Variants in MESP1 observed in about 807,000 individuals in gnomAD.
MESP1 encodes the protein mesoderm posterior bHLH transcription factor 1, also known as mesoderm posterior protein 1.
MESP1 carries 22 observed loss-of-function variants against 15.2 expected under a neutral mutation model. The observed-to-expected ratio is 1.45, with a 90% CI of 1.04 to 2.07. The LOEUF (loss-of-function observed/expected upper bound fraction) is 2.07, where lower values mean the gene tolerates loss of function less well. Ranked by LOEUF, MESP1 falls within the 30% of genes most tolerant of loss-of-function variation. MESP1 has a pLI of 0.00. For synonymous variants in MESP1, 216 were observed against 192.6 expected, an observed-to-expected ratio of 1.12 and a Z score of -1.01; for missense variants, 484 against 411.9, an observed-to-expected ratio of 1.17 and a Z score of -1.51.
chr15:89,751,040 G>A lies in MESP1; in HGVS notation c.192C>T (p.Pro64=). The change falls in exon 1 of 2, where the codon CCC becomes CCT. Residue 64 remains proline, a synonymous_variant. Coordinates refer to ENST00000300057, the MANE Select transcript of MESP1 (RefSeq NM_018670.4). ...CGCGCCTACCTACGGAGGGGGCGCGGGGGTCCCGGAGGGTGCCTGGCCGCG... is the reference window on the plus strand; with the variant it reads ...CGCGCCTACCTACGGAGGGGGCGCGAGGGTCCCGGAGGGTGCCTGGCCGCG... ...SPARPGTLRD[P]RAPSVGRRGA... 1 of 1,346,498 alleles carries A rather than the reference G, an allele frequency of 7.4e-7. No homozygotes were observed. The highest frequency in any genetic ancestry group is 1.9e-5 in the South Asian group (1 of 51,298). 83.4% of individuals were successfully genotyped at this position (1,346,498 alleles called of 1,614,324 possible). A position where few individuals can be genotyped will look rare whatever the true frequency, so the allele number is the denominator to read the frequency against.
the MESP1 span, among the ~76,000 whole-genome samples, chr15:89,742,607 C>T: frequency 6.6e-6 from 1 of 152,078 alleles, no homozygotes; most frequent in Non-Finnish European, 1.5e-5. Flanking sequence ...TATCTTGGCT[C>T]ACTGCAACCT....
downstream of MESP1, chr15:89,748,645 G>C (rs370649371): frequency 3.3e-5 from 5 of 152,332 alleles, no homozygotes; most frequent in Admixed American, 1.3e-4. Flanking sequence ...AGTGAAAGAA[G>C]CCAGACACAA....
chr15:89,743,376 G>C, the MESP1 span: 11 of 1,614,170 alleles, frequency 6.8e-6, no homozygotes, highest in Non-Finnish European at 9.3e-6. Flanking sequence ...TCCAGAGAGA[G>C]AACTTCAAGA....
the MESP1 span, among the ~76,000 whole-genome samples, chr15:89,743,003 G>T: frequency 6.6e-6 from 1 of 152,188 alleles, no homozygotes. Context: ...ATGTTCCGTT[G>T]TGTGTAATAC....
the MESP1 span, among the ~76,000 whole-genome samples, chr15:89,737,234 G>A: frequency 6.6e-6 from 1 of 152,230 alleles, no homozygotes; most frequent in African/African-American, 2.4e-5. Flanking sequence ...GGGAAGGAAA[G>A]GCATTGGGAG....
At chr15:89,744,414 C>T in the MESP1 span, among the ~76,000 whole-genome samples, 1 of 152,182 alleles carries the variant, frequency 6.6e-6, no homozygotes, top group African/African-American at 2.4e-5. Context: ...GCAGTAATTC[C>T]CTCTACACAG....
the MESP1 span, chr15:89,743,216 T>A: frequency 2.1e-6 from 3 of 1,418,406 alleles, no homozygotes; most frequent in Non-Finnish European, 3.0e-6. Context: ...CACAGGGTAG[T>A]CGAGGTCTGC....
chr15:89,743,225 G>GC, the MESP1 span: 254 of 1,523,968 alleles, frequency 1.7e-4, no homozygotes, highest in African/African-American at 2.9e-3. Context: ...GTCGAGGTCT[G>GC]CCCTGGGGGC....
downstream of MESP1, among the ~76,000 whole-genome samples, chr15:89,746,172 A>ACACCTCCACACAGCATCCATACCTACT (rs1451687159): frequency 7.8e-5 from 11 of 140,594 alleles, no homozygotes; most frequent in Non-Finnish European, 1.5e-4. Flanking sequence ...CATAGCATCC[A>ACACCTCCACACAGCATCCATACCTACT]CACCTCCACA....
At chr15:89,734,930 C>A in the MESP1 span, among the ~76,000 whole-genome samples, 1 of 152,214 alleles carries the variant, frequency 6.6e-6, no homozygotes, top group African/African-American at 2.4e-5. Flanking sequence ...ACTTACAAAG[C>A]AAACCATATT....
chr15:89,736,843 G>A, the MESP1 span, among the ~76,000 whole-genome samples: 2 of 151,068 alleles, frequency 1.3e-5, no homozygotes, highest in African/African-American at 4.9e-5. Context: ...CCAGGCTGGA[G>A]TGCAGTGGTG....
chr15:89,744,987 G>A (rs999390880), downstream of MESP1, among the ~76,000 whole-genome samples: 1 of 152,202 alleles, frequency 6.6e-6, no homozygotes, highest in Non-Finnish European at 1.5e-5. Context: ...GCTGCGGCAG[G>A]TGTCCATCCC....
chr15:89,733,321 T>C, the MESP1 span: 1 of 1,084,658 alleles, frequency 9.2e-7, no homozygotes, highest in East Asian at 2.5e-5. Context: ...AGTCCACCTT[T>C]TGTATAGTCA....
chr15:89,739,104 A>G, the MESP1 span, among the ~76,000 whole-genome samples: 1 of 141,394 alleles, frequency 7.1e-6, no homozygotes, highest in Non-Finnish European at 1.5e-5. Context: ...TGACAGAGTC[A>G]GACCCTGCCT....
the MESP1 span, among the ~76,000 whole-genome samples, chr15:89,736,318 C>T: frequency 6.6e-6 from 1 of 152,150 alleles, no homozygotes; most frequent in Non-Finnish European, 1.5e-5. Context: ...GTCTGTGATT[C>T]CTGGTGTGGC....
At chr15:89,739,645 G>A in the MESP1 span, among the ~76,000 whole-genome samples, 3 of 152,184 alleles carry the variant, frequency 2.0e-5, no homozygotes, top group African/African-American at 7.2e-5. Flanking sequence ...CATTTCGGGT[G>A]GACTGGGGTC....
In MESP1 at chr15:89,750,777, C is replaced by G; in HGVS notation, c.455G>C (p.Arg152Pro). 2 of 1,500,094 alleles carry G rather than the reference C, an allele frequency of 1.3e-6. No homozygotes were observed. The allele number at this position is 1,500,094 out of a possible 1,614,324, so 92.9% of individuals were successfully genotyped here. A position where few individuals can be genotyped will look rare whatever the true frequency, so the allele number is the denominator to read the frequency against. Residue 152 changes from arginine to proline, a missense_variant, in exon 1 of 2, where the codon CGG (arginine) becomes CCG (proline). Transcript: ENST00000300057. Reference protein sequence around the residue: ...LSEESLQRRCRQRGDAGSPRG... With the variant: ...LSEESLQRRCPQRGDAGSPRG... ...AGGGGACCCCGCGTCACCGCGCTGC[C>G]GGCACCGGCGCTGGAGACTCTCCTC...
the MESP1 span, among the ~76,000 whole-genome samples, chr15:89,741,273 C>T: frequency 6.6e-6 from 1 of 152,098 alleles, no homozygotes; most frequent in Admixed American, 6.5e-5. Flanking sequence ...CAGGGTCATC[C>T]AGGCTGGAGT....
the MESP1 span, chr15:89,743,361 G>C: frequency 6.2e-7 from 1 of 1,614,166 alleles, no homozygotes; most frequent in Non-Finnish European, 8.5e-7. Flanking sequence ...GGTACTCCTT[G>C]TCGCTCCAGA....
Sources: gnomAD v4.1 joint callset for allele counts (sites outside exome capture counted in the v4.1 genomes callset) on GRCh38, gnomAD v4.1.1 for gene constraint, MANE v1.5 for transcripts, NCBI Gene and HGNC (gene_info 2026-07-23, HGNC 2026-07-21) for gene names.